EYS: variants seen among roughly 807,000 people sequenced by gnomAD.
EYS encodes protein eyes shut homolog.
In EYS, 250 loss-of-function variants were observed where a neutral mutation model predicts 282.1. The ratio of observed to expected loss-of-function variants is 0.89; its 90% CI spans 0.80 to 0.98. EYS has a LOEUF of 0.98. EYS is among the 50% of genes least tolerant of loss of function. The probability of loss-of-function intolerance (pLI) is 0.00; values close to 1 mark genes in which losing one functional copy is unlikely to be tolerated. For synonymous variants in EYS, 1,355 were observed against 1,282.9 expected, an observed-to-expected ratio of 1.06 and a Z score of -1.20; for missense variants, 4,016 against 3,709.0, an observed-to-expected ratio of 1.08 and a Z score of -2.15.
At chr6:65,665,812 A>G (rs750118425) in intron 1 of EYS, among the ~76,000 whole-genome samples, 20 of 152,032 alleles carry the variant, frequency 1.3e-4, no homozygotes, top group Non-Finnish European at 2.8e-4. Flanking sequence ...ATAAATCTCT[A>G]AATAAGATAA....
chr6:64,407,042 C>T (rs1008565546), intron 28 of EYS, among the ~76,000 whole-genome samples: 2 of 152,142 alleles, frequency 1.3e-5, no homozygotes, highest in Admixed American at 6.5e-5. Context: ...ACACTTGGAA[C>T]CAACCCAAAT....
intron 35 of EYS, among the ~76,000 whole-genome samples, chr6:63,904,610 G>C (rs1260971960): frequency 6.6e-6 from 1 of 152,128 alleles, no homozygotes; most frequent in East Asian, 1.9e-4. Flanking sequence ...TATTAACTGG[G>C]AACTTAGGCC....
intron 1 of EYS, among the ~76,000 whole-genome samples, chr6:65,667,010 T>C (rs369126784): frequency 1.5e-4 from 23 of 151,564 alleles, no homozygotes; most frequent in Middle Eastern, 3.2e-3. Context: ...TACATATGCC[T>C]GGAGATGGTA....
At chr6:64,817,467 A>G (rs1366013320) in intron 21 of EYS, among the ~76,000 whole-genome samples, 1 of 152,202 alleles carries the variant, frequency 6.6e-6, no homozygotes, top group Non-Finnish European at 1.5e-5. Flanking sequence ...TCAGAGAAAC[A>G]CAAATACATG....
intron 22 of EYS, among the ~76,000 whole-genome samples, chr6:64,634,726 A>C (rs1046392023): frequency 6.6e-6 from 1 of 152,242 alleles, no homozygotes; most frequent in African/African-American, 2.4e-5. Context: ...ACATCTAAGA[A>C]AAAATGAAGA....
intron 14 of EYS, among the ~76,000 whole-genome samples, chr6:64,954,955 G>T (rs546056338): frequency 5.3e-5 from 8 of 152,088 alleles, no homozygotes; most frequent in African/African-American, 1.9e-4. Flanking sequence ...GATCACCTGA[G>T]ATCAGGAGTT....
chr6:64,089,612 G>A (rs1460416559), intron 31 of EYS, among the ~76,000 whole-genome samples: 1 of 151,636 alleles, frequency 6.6e-6, no homozygotes, highest in Non-Finnish European at 1.5e-5. Context: ...GATGACTTGA[G>A]TTTCATAGAC....
rs1035804526 is a variant in EYS, at chr6:65,335,995, A to G, written c.1600-849T>C. Among the ~76,000 whole-genome samples, 6 of 151,750 alleles carry G rather than the reference A, an allele frequency of 4.0e-5. No homozygotes were observed. In the East Asian group the frequency reaches 7.8e-4, roughly 20 times the overall value. Reference sequence around the variant, plus strand: ...CTGAGATCTGGTTGTGTAAAAGTATATAACACCTCTCCCTTTACTCTCTCT... The same window carrying G: ...CTGAGATCTGGTTGTGTAAAAGTATGTAACACCTCTCCCTTTACTCTCTCT... On this transcript the variant is annotated intron_variant, in intron 10 of 42. Coordinates refer to ENST00000503581, the MANE Select transcript of EYS (RefSeq NM_001142800.2).
chr6:64,658,015 T>G (rs1768819277), intron 22 of EYS, among the ~76,000 whole-genome samples: 6 of 152,214 alleles, frequency 3.9e-5, no homozygotes. Flanking sequence ...ATTTGGTCTT[T>G]TCACATAGTC....
At chr6:65,473,177 C>T (rs1308301049) in intron 5 of EYS, among the ~76,000 whole-genome samples, 1 of 151,540 alleles carries the variant, frequency 6.6e-6, no homozygotes, top group East Asian at 1.9e-4. Context: ...GCAAATAAAA[C>T]TAGAGAAAAA....
chr6:64,547,859 C>G (rs1764931316), intron 26 of EYS, among the ~76,000 whole-genome samples: 1 of 152,218 alleles, frequency 6.6e-6, no homozygotes, highest in African/African-American at 2.4e-5. Flanking sequence ...AGGTCCCAAG[C>G]CCTGCCCTGC....
intron 31 of EYS, among the ~76,000 whole-genome samples, chr6:64,224,105 T>C (rs181929105): frequency 2.6e-5 from 4 of 152,228 alleles, no homozygotes; most frequent in Admixed American, 2.6e-4. Flanking sequence ...CACATATTTT[T>C]GTTCACAAAA....
intron 22 of EYS, among the ~76,000 whole-genome samples, chr6:64,766,230 C>T (rs1773328798): frequency 6.6e-6 from 1 of 151,696 alleles, no homozygotes; most frequent in African/African-American, 2.4e-5. Flanking sequence ...ACTGGCCCCT[C>T]CCCTTCTCTT....
chr6:64,746,747 G>C (rs1209990485), intron 22 of EYS, among the ~76,000 whole-genome samples: 3 of 152,148 alleles, frequency 2.0e-5, no homozygotes, highest in African/African-American at 7.2e-5. Flanking sequence ...TGCTTTTGTG[G>C]AGGATAAAGC....
intron 2 of EYS, among the ~76,000 whole-genome samples, chr6:65,540,854 C>A (rs1053443464): frequency 4.0e-5 from 6 of 151,828 alleles, no homozygotes; most frequent in African/African-American, 1.5e-4. Flanking sequence ...ATCCGGGAAG[C>A]GGAGGTAGCA....
chr6:65,232,742 T>C (rs62407257), intron 12 of EYS, among the ~76,000 whole-genome samples: 36,229 of 152,040 alleles, frequency 0.24, 4,497 homozygotes, highest in Middle Eastern at 0.28. Flanking sequence ...TATTTCCAAA[T>C]TAGGTCATAT....
intron 8 of EYS, among the ~76,000 whole-genome samples, chr6:65,357,936 G>T (rs1406686186): frequency 6.6e-6 from 1 of 151,876 alleles, no homozygotes; most frequent in African/African-American, 2.4e-5. Context: ...GACCAGATAG[G>T]TGTCTTTGTG....
At chr6:64,187,723 A>G (rs1329652404) in intron 31 of EYS, among the ~76,000 whole-genome samples, 2 of 152,034 alleles carry the variant, frequency 1.3e-5, no homozygotes, top group Admixed American at 6.6e-5. Flanking sequence ...GAAGCAATAG[A>G]TATTGTTTCA....
intron 19 of EYS, among the ~76,000 whole-genome samples, chr6:64,838,548 T>G (rs961404062): frequency 1.3e-4 from 19 of 151,750 alleles, no homozygotes; most frequent in Admixed American, 6.6e-4. Context: ...AATTTAATGT[T>G]TTGTTAGACT....
Sources: allele counts gnomAD v4.1 joint callset (sites outside exome capture counted in the v4.1 genomes callset), GRCh38; gene constraint gnomAD v4.1.1; transcripts MANE v1.5; gene names NCBI Gene and HGNC (gene_info 2026-07-23, HGNC 2026-07-21).